Variants in AHCYL1 observed in about 807,000 individuals in gnomAD.
AHCYL1 encodes S-adenosylhomocysteine hydrolase-like protein 1.
Under a neutral mutation model 79.3 loss-of-function variants are expected in AHCYL1, and 20 were observed. The observed-to-expected ratio is 0.25, with a 90% confidence interval of 0.18 to 0.37. AHCYL1 has a LOEUF of 0.37. Among genes scored for constraint, AHCYL1 ranks in the 10% least tolerant of loss-of-function variants. The probability of loss-of-function intolerance (pLI) is 1.00; values close to 1 mark genes in which losing one functional copy is unlikely to be tolerated. For synonymous variants in AHCYL1, 223 were observed against 242.2 expected, an observed-to-expected ratio of 0.92 and a Z score of 0.74; for missense variants, 330 against 673.6, an observed-to-expected ratio of 0.49 and a Z score of 5.65.
chr1:110,011,466 AAGAC>A, intron 3 of AHCYL1, 109 bp downstream of exon 3: 6 of 1,457,396 alleles, frequency 4.1e-6, no homozygotes, highest in Non-Finnish European at 5.6e-6. Flanking sequence ...ACTGGGAAGA[AAGAC>A]AGTATTATGG....
Position 110,015,447 on chromosome 1 carries a change from T to C in AHCYL1, c.698T>C (p.Leu233Ser). 1 of 1,614,140 alleles carries C rather than the reference T, an allele frequency of 6.2e-7. No individual in the cohort carries two copies. Among genetic ancestry groups the C allele is most frequent in the Non-Finnish European group, 8.5e-7 (1 of 1,179,984 alleles). ...ANMILDDGGD[L>S]THWVYKKYPN... ...TAGATCCTGGATGATGGGGGAGACTTAACCCACTGGGTTTATAAGAAGTAT... is the reference window on the plus strand; with the variant it reads ...TAGATCCTGGATGATGGGGGAGACTCAACCCACTGGGTTTATAAGAAGTAT... Residue 233 changes from leucine to serine, a missense_variant, in exon 7 of 17, where the codon TTA becomes TCA. By Grantham distance (145) the Leu-to-Ser change is moderately radical (BLOSUM62 -2). Transcript: ENST00000369799.
At chr1:110,014,411 A>G (rs970881631) in intron 5 of AHCYL1, among the ~76,000 whole-genome samples, 9 of 152,184 alleles carry the variant, frequency 5.9e-5, no homozygotes, top group South Asian at 2.1e-4. Flanking sequence ...TCACCTCACT[A>G]TTTTCCTAAT....
rs1570894464 is a variant in AHCYL1, at chr1:110,019,251, G to A, written c.1386+132G>A. The A allele has an allele frequency of 1.1e-5, 11 of 970,352 alleles. No homozygotes were observed. In the East Asian group the frequency reaches 2.8e-4, roughly 25 times the overall value. The allele number at this position is 970,352 out of a possible 1,614,324, so 60.1% of individuals were successfully genotyped here. On this transcript the variant is annotated intron_variant, in intron 14 of 16. Coordinates refer to ENST00000369799, the MANE Select transcript of AHCYL1 (RefSeq NM_006621.7). ...TTTGATGTAATAAATTGTGGAAACA[G>A]GTATTCTTAAGTATAGAAAAGAGTC...
At chr1:110,011,501 C>T (rs183235669) in intron 3 of AHCYL1, 144 bp downstream of exon 3, 2 of 1,142,314 alleles carry the variant, frequency 1.8e-6, no homozygotes, top group Admixed American at 2.7e-5. Context: ...AAACACTTCT[C>T]TCTCTATGGA....
At chr1:110,015,328 C>A in intron 6 of AHCYL1, 97 bp from the exon 7 acceptor site, 1 of 937,698 alleles carries the variant, frequency 1.1e-6, no homozygotes, top group South Asian at 1.4e-5. Flanking sequence ...TCTTCCAAAA[C>A]ATACAGGGCT....
At chr1:109,992,081 C>CG (rs541462771) in intron 1 of AHCYL1, among the ~76,000 whole-genome samples, 2 of 140,292 alleles carry the variant, frequency 1.4e-5, no homozygotes, top group South Asian at 2.1e-4. Flanking sequence ...AATCTGGGGG[C>CG]GGGGGGAAGA....
chr1:110,010,773 T>C (rs926008275), intron 2 of AHCYL1, among the ~76,000 whole-genome samples: 1 of 152,250 alleles, frequency 6.6e-6, no homozygotes, highest in Non-Finnish European at 1.5e-5. Context: ...TCTAGCAATA[T>C]ATGTTTTAAC....
chr1:110,018,493 G>C (rs1348305853), intron 12 of AHCYL1, 26 bp downstream of exon 12: 7 of 1,613,470 alleles, frequency 4.3e-6, no homozygotes, highest in Non-Finnish European at 5.1e-6. Context: ...TTTGTTGCTA[G>C]GCATTTCTCT....
At chr1:110,012,279 T>G in intron 3 of AHCYL1, 83 bp from the exon 4 acceptor site, 1 of 1,258,606 alleles carries the variant, frequency 7.9e-7, no homozygotes, top group South Asian at 1.4e-5. Flanking sequence ...TCACCATATC[T>G]CAACAGATCC....
In AHCYL1 at chr1:110,014,753, G is replaced by T; in HGVS notation, c.581-10G>T. 1 of 1,610,314 alleles carries T rather than the reference G, an allele frequency of 6.2e-7. No homozygotes were observed. On this transcript the variant is annotated splice_polypyrimidine_tract_variant and intron_variant, in intron 5 of 16. Coordinates refer to ENST00000369799, the MANE Select transcript of AHCYL1 (RefSeq NM_006621.7). ...AGGAGGAATCAGCTGATTCATTTCT[G>T]TCTCTACAGGAGTTGCAGTGTTCGC...
chr1:110,018,709 G>C lies in AHCYL1; in HGVS notation c.1317+59G>C, dbSNP rs116226117. On this transcript the variant is annotated intron_variant, in intron 13 of 16. Transcript: ENST00000369799. ...CAAGCAGAGTAGTTAGATCTATGAG[G>C]GGGGAGGGGAGGGAAACAAATATTA... The C allele has an allele frequency of 2.1e-3, 3,019 of 1,450,096 alleles. 10 individuals are homozygous for C. The highest frequency in any genetic ancestry group is 6.8e-3 in the South Asian group (575 of 84,744). 89.8% of individuals were successfully genotyped at this position (1,450,096 alleles called of 1,614,324 possible).
Position 110,012,346 on chromosome 1 carries a change from C to T in AHCYL1, c.377-16C>T. The stretch of plus-strand genomic sequence containing the variant: ...TGCTAGTGCAGACCTAGCTCAAATC[C>T]TCTGTTCTTTCACAGACATGTCTGC... On this transcript the variant is annotated splice_polypyrimidine_tract_variant and intron_variant, in intron 3 of 16. Transcript: ENST00000369799. The T allele has an allele frequency of 1.2e-6, 2 of 1,611,258 alleles. No homozygotes were observed. The highest frequency in any genetic ancestry group is 2.2e-5 in the South Asian group (2 of 90,730).
At position 109,984,842 on chromosome 1, in the gene AHCYL1, T is replaced by C; in HGVS notation, c.-211T>C. Reference sequence around the variant, plus strand: ...GCTCGGAGCTGCTGTTCTGGTTCTCTTGTGGCCGCCGTCGCTGTCCGGCTG... The same window carrying C: ...GCTCGGAGCTGCTGTTCTGGTTCTCCTGTGGCCGCCGTCGCTGTCCGGCTG... On this transcript the variant is annotated 5_prime_UTR_variant, in exon 1 of 17. Coordinates refer to ENST00000369799, the MANE Select transcript of AHCYL1 (RefSeq NM_006621.7). 9.0e-6 allele frequency: 6 copies of C among 663,458 alleles called. No homozygotes were observed. Among genetic ancestry groups the C allele is most frequent in the Non-Finnish European group, 1.3e-5 (6 of 473,742 alleles). 41.1% of individuals were successfully genotyped at this position (663,458 alleles called of 1,614,324 possible).
chr1:109,989,074 T>C (rs1649611861), intron 1 of AHCYL1, among the ~76,000 whole-genome samples: 1 of 152,372 alleles, frequency 6.6e-6, no homozygotes, highest in South Asian at 2.1e-4. Context: ...GAGTGGCTGC[T>C]GTTGTAGTAG....
chr1:110,019,252 G>C (rs1651634329), intron 14 of AHCYL1, 133 bp downstream of exon 14: 1 of 916,940 alleles, frequency 1.1e-6, no homozygotes, highest in Non-Finnish European at 1.7e-6. Context: ...GTGGAAACAG[G>C]TATTCTTAAG....
intron 15 of AHCYL1, among the ~76,000 whole-genome samples, chr1:110,020,143 T>C (rs962518701): frequency 1.4e-4 from 22 of 152,218 alleles, no homozygotes; most frequent in African/African-American, 4.3e-4. Context: ...CCCTGACTTC[T>C]TAATGCTAAA....
chr1:110,010,999 G>T (rs554154941), intron 2 of AHCYL1, among the ~76,000 whole-genome samples: 3 of 152,258 alleles, frequency 2.0e-5, no homozygotes, highest in Admixed American at 1.3e-4. Context: ...GTATTGTTAG[G>T]GTGGGTGAAA....
At chr1:109,989,331 T>C (rs748860129) in intron 1 of AHCYL1, among the ~76,000 whole-genome samples, 18 of 152,102 alleles carry the variant, frequency 1.2e-4, no homozygotes, top group Non-Finnish European at 2.5e-4. Flanking sequence ...TTATCAGGAG[T>C]GTGTCATTTG....
At position 109,985,031 on chromosome 1, in the gene AHCYL1, C is replaced by A. The variant is rs1205182946; in HGVS notation, c.-22C>A. On this transcript the variant is annotated 5_prime_UTR_variant, in exon 1 of 17. Transcript: ENST00000369799. ...AAAGAGGCGGGGGCGGCGGGTCAGC[C>A]GCTGGCCGGGCCGGCCGGGGAATGT... The A allele has an allele frequency of 9.8e-6, 15 of 1,535,194 alleles. No homozygotes were observed. Among genetic ancestry groups the A allele is most frequent in the African/African-American group, 1.4e-5 (1 of 70,570 alleles).
Sources: gnomAD v4.1 joint callset for allele counts (sites outside exome capture counted in the v4.1 genomes callset) on GRCh38, gnomAD v4.1.1 for gene constraint, MANE v1.5 for transcripts, NCBI Gene and HGNC (gene_info 2026-07-23, HGNC 2026-07-21) for gene names.